SNAP91: variants seen among roughly 807,000 people sequenced by gnomAD.
The protein encoded by SNAP91 is clathrin coat assembly protein AP180.
In SNAP91, 27 loss-of-function variants were observed where a neutral mutation model predicts 100.3. That is an observed-to-expected ratio of 0.27 (90% CI 0.20 to 0.37). The LOEUF is 0.37. Ranked by LOEUF, SNAP91 falls within the 10% of genes least tolerant of loss-of-function variation. SNAP91 has a pLI of 1.00. For synonymous variants in SNAP91, 404 were observed against 398.6 expected, an observed-to-expected ratio of 1.01 and a Z score of -0.16; for missense variants, 986 against 1,123.7, an observed-to-expected ratio of 0.88 and a Z score of 1.75.
intron 28 of SNAP91, among the ~76,000 whole-genome samples, chr6:83,556,635 A>T (rs1475272702): frequency 1.3e-5 from 2 of 152,186 alleles, no homozygotes; most frequent in African/African-American, 4.8e-5. Context: ...GATGTGAAAC[A>T]CTAGTAACAT....
chr6:83,666,091 A>G (rs2098678268), intron 2 of SNAP91, among the ~76,000 whole-genome samples: 1 of 152,106 alleles, frequency 6.6e-6, no homozygotes, highest in East Asian at 1.9e-4. Flanking sequence ...GAGGTCAAAT[A>G]TTAAAAGAGA....
chr6:83,654,386 C>A (rs149779086), intron 7 of SNAP91, among the ~76,000 whole-genome samples: 88 of 152,260 alleles, frequency 5.8e-4, no homozygotes, highest in African/African-American at 2.0e-3. Flanking sequence ...ATTTTTAGGA[C>A]ATATTGGTGA....
rs985762187 is a variant in SNAP91 at position 83,600,127 on chromosome 6, A to G, written c.1324+1144T>C. 2.6e-5 allele frequency among the ~76,000 whole-genome samples: 4 copies of G among 151,828 alleles called. No individual in the cohort carries two copies. In the East Asian group the frequency reaches 7.8e-4, roughly 30 times the overall value. The stretch of plus-strand genomic sequence containing the variant: ...AAGGGTCTGCAATCCTTTTTCTCCT[A>G]CTCTTTTACAAACAGGTTTCTCCTG... On this transcript the variant is annotated intron_variant, in intron 16 of 29. Coordinates refer to ENST00000369694, the MANE Select transcript of SNAP91 (RefSeq NM_001242792.2).
At chr6:83,624,568 A>G (rs892859005) in intron 8 of SNAP91, among the ~76,000 whole-genome samples, 2 of 152,112 alleles carry the variant, frequency 1.3e-5, no homozygotes, top group African/African-American at 4.8e-5. Flanking sequence ...CTCTGTGTCT[A>G]GAGCAGGGTT....
rs539787757 is a variant in SNAP91 at position 83,693,016 on chromosome 6, G to A, written c.130+14782C>T. Among the ~76,000 whole-genome samples, 4 of 152,238 alleles carry A rather than the reference G, an allele frequency of 2.6e-5. No individual in the cohort carries two copies. The South Asian group carries it at 6.2e-4, about 24-fold the overall frequency. ...GTTTTAAACTACTAGGCTCCCTGTA[G>A]CTGGGATTACAAATGTGTACCACCA... On this transcript the variant is annotated intron_variant, in intron 2 of 29. Transcript: ENST00000369694.
At chr6:83,688,650 T>C (rs567456693) in intron 2 of SNAP91, among the ~76,000 whole-genome samples, 82 of 152,054 alleles carry the variant, frequency 5.4e-4, no homozygotes, top group African/African-American at 1.8e-3. Context: ...ACTACAGACA[T>C]ATGTTATCAC....
chr6:83,643,628 C>T (rs571394751), intron 7 of SNAP91, among the ~76,000 whole-genome samples: 1 of 152,142 alleles, frequency 6.6e-6, no homozygotes, highest in Non-Finnish European at 1.5e-5. Flanking sequence ...AGAGTTATTT[C>T]ATTCAGCATG....
chr6:83,617,146 A>C lies in SNAP91; in HGVS notation c.808-107T>G. 4 of 589,450 alleles carry C rather than the reference A, an allele frequency of 6.8e-6. 1 individual carries two copies. In the South Asian group the frequency reaches 1.1e-4, roughly 16 times the overall value. The allele number at this position is 589,450 out of a possible 1,614,324, so 36.5% of individuals were successfully genotyped here. ...TGGAAGTCTGTGGATGGACCCCGAT[A>C]TATATGTGAGATAATTTAATTGCAG... On this transcript the variant is annotated intron_variant, in intron 9 of 29. Coordinates refer to ENST00000369694, the MANE Select transcript of SNAP91 (RefSeq NM_001242792.2).
At chr6:83,610,710 AATATATATATATATATATATATATATAT>A (rs747428612) in intron 11 of SNAP91, 33 bp from the exon 12 acceptor site, 1 of 210,344 alleles carries the variant, frequency 4.8e-6, no homozygotes, top group Admixed American at 6.2e-5. Flanking sequence ...ATTAAAACTG[AATATATATATATATATATATATATATAT>A]ATATATATAA....
intron 2 of SNAP91, among the ~76,000 whole-genome samples, chr6:83,701,532 C>T (rs13204774): frequency 0.18 from 27,654 of 151,746 alleles, 3,291 homozygotes; most frequent in East Asian, 0.43. Context: ...CTGCAACCTC[C>T]GCCTCTCGGG....
intron 29 of SNAP91, among the ~76,000 whole-genome samples, chr6:83,554,693 G>A (rs1246703534): frequency 1.3e-5 from 2 of 152,080 alleles, no homozygotes; most frequent in Admixed American, 1.3e-4. Flanking sequence ...TTCAGTTATG[G>A]TGTTCAATGA....
At chr6:83,675,489 AATAT>A (rs1446916390) in intron 2 of SNAP91, among the ~76,000 whole-genome samples, 2 of 152,142 alleles carry the variant, frequency 1.3e-5, no homozygotes, top group Non-Finnish European at 2.9e-5. Flanking sequence ...TTTTGAAAAA[AATAT>A]ATATACTTTG....
intron 9 of SNAP91, among the ~76,000 whole-genome samples, chr6:83,618,732 G>C (rs1584143684): frequency 6.6e-6 from 1 of 151,916 alleles, no homozygotes; most frequent in African/African-American, 2.4e-5. Flanking sequence ...TAGGAGGTCT[G>C]GGCATATAAA....
chr6:83,644,582 C>T (rs1380340158), intron 7 of SNAP91, among the ~76,000 whole-genome samples: 5 of 152,120 alleles, frequency 3.3e-5, no homozygotes, highest in Non-Finnish European at 7.4e-5. Context: ...ATAAATTACC[C>T]TTGTCATACT....
At chr6:83,568,100 G>A (rs1417901527) in intron 26 of SNAP91, among the ~76,000 whole-genome samples, 1 of 151,780 alleles carries the variant, frequency 6.6e-6, no homozygotes, top group African/African-American at 2.4e-5. Context: ...CAACCAAAAT[G>A]TCCAACAATG....
rs143316162 is a variant in SNAP91 at position 83,666,537 on chromosome 6, T to C, written c.131-956A>G. On this transcript the variant is annotated intron_variant, in intron 2 of 29. Coordinates refer to ENST00000369694, the MANE Select transcript of SNAP91 (RefSeq NM_001242792.2). The stretch of plus-strand genomic sequence containing the variant: ...CATGCGCTTGCAACAAACATGCACA[T>C]GTATTCTTCTTACTCCAAATCCACA... Among the ~76,000 whole-genome samples the C allele has an allele frequency of 3.8e-3, 585 of 152,222 alleles. 5 individuals are homozygous for C. Among genetic ancestry groups the C allele is most frequent in the Middle Eastern group, 0.01 (3 of 294 alleles).
intron 7 of SNAP91, 37 bp downstream of exon 7, chr6:83,656,717 C>T: frequency 1.1e-6 from 1 of 910,850 alleles, no homozygotes; most frequent in East Asian, 2.6e-5. Context: ...TACTGTGTAT[C>T]CCATCAGCCC....
At chr6:83,597,779 A>T (rs985800847) in intron 16 of SNAP91, among the ~76,000 whole-genome samples, 1 of 152,206 alleles carries the variant, frequency 6.6e-6, no homozygotes, top group Non-Finnish European at 1.5e-5. Flanking sequence ...AAAGGTTCCA[A>T]TTGTTCTCAA....
At chr6:83,690,005 C>T (rs966719219) in intron 2 of SNAP91, among the ~76,000 whole-genome samples, 14 of 151,962 alleles carry the variant, frequency 9.2e-5, no homozygotes, top group African/African-American at 3.1e-4. Context: ...TAAATTAAAA[C>T]ATTTTTACTA....
Sources: allele counts gnomAD v4.1 joint callset (sites outside exome capture counted in the v4.1 genomes callset), GRCh38; gene constraint gnomAD v4.1.1; transcripts MANE v1.5; gene names NCBI Gene and HGNC (gene_info 2026-07-23, HGNC 2026-07-21).